The following NFIA variants were observed in gnomAD, a reference collection of about 807,000 sequenced individuals.
NFIA encodes nuclear factor I A, also known as nuclear factor 1 A-type.
NFIA carries 8 observed loss-of-function variants against 62.8 expected under a neutral mutation model. That is an observed-to-expected ratio of 0.13 (90% CI 0.07 to 0.23). NFIA has a LOEUF of 0.23. Ranked by LOEUF, NFIA falls within the 10% of genes least tolerant of loss-of-function variation. The probability of loss-of-function intolerance (pLI) is 1.00; values close to 1 mark genes in which losing one functional copy is unlikely to be tolerated. For missense variants in NFIA, 410 were observed against 642.1 expected (o/e 0.64, Z 3.91); for synonymous variants, 235 against 238.1 (o/e 0.99, Z 0.12).
At chr1:61,311,339 C>T (rs1229810454) in intron 3 of NFIA, among the ~76,000 whole-genome samples, 7 of 151,940 alleles carry the variant, frequency 4.6e-5, no homozygotes, top group East Asian at 3.9e-4. Flanking sequence ...TGCGGTGAGC[C>T]GAGATCGCGA....
chr1:61,386,438 C>A (rs1664691195), intron 7 of NFIA, among the ~76,000 whole-genome samples: 1 of 152,166 alleles, frequency 6.6e-6, no homozygotes, highest in South Asian at 2.1e-4. Flanking sequence ...GGGCAGGGAT[C>A]ACGGAGGCCA....
chr1:61,314,947 A>G (rs1012457854), intron 3 of NFIA, among the ~76,000 whole-genome samples: 1 of 152,144 alleles, frequency 6.6e-6, no homozygotes, highest in Non-Finnish European at 1.5e-5. Context: ...CACTGTTCGT[A>G]TTTGTTTATA....
chr1:61,427,453 G>A (rs965100010), intron 10 of NFIA, among the ~76,000 whole-genome samples: 7 of 152,078 alleles, frequency 4.6e-5, no homozygotes, highest in African/African-American at 9.7e-5. Context: ...TTCTTAGCGC[G>A]GTGTTTGAAA....
intron 2 of NFIA, among the ~76,000 whole-genome samples, chr1:61,209,331 T>C (rs1653095286): frequency 1.3e-5 from 2 of 152,172 alleles, no homozygotes; most frequent in Non-Finnish European, 2.9e-5. Context: ...AATAGCCAGC[T>C]AGGGTTAAAC....
intron 2 of NFIA, among the ~76,000 whole-genome samples, chr1:61,229,849 A>G (rs1654563050): frequency 6.6e-6 from 1 of 152,252 alleles, no homozygotes; most frequent in African/African-American, 2.4e-5. Flanking sequence ...GGAGAATAGT[A>G]TCCTTAACAG....
chr1:61,448,810 G>A (rs1049878425), intron 10 of NFIA, among the ~76,000 whole-genome samples: 1 of 152,144 alleles, frequency 6.6e-6, no homozygotes, highest in African/African-American at 2.4e-5. Context: ...AAAATGGAAA[G>A]GAAGGGAGAC....
chr1:61,295,298 A>G (rs1659131906), intron 3 of NFIA, among the ~76,000 whole-genome samples: 1 of 152,214 alleles, frequency 6.6e-6, no homozygotes, highest in African/African-American at 2.4e-5. Flanking sequence ...AGATTCAGCA[A>G]AGGGAGGCCA....
At chr1:61,422,246 G>A (rs982400898) in intron 9 of NFIA, among the ~76,000 whole-genome samples, 1 of 152,188 alleles carries the variant, frequency 6.6e-6, no homozygotes, top group Non-Finnish European at 1.5e-5. Context: ...CTGGGCGACA[G>A]AGCCAGACTC....
At chr1:61,157,476 T>C (rs1042767571) in intron 2 of NFIA, among the ~76,000 whole-genome samples, 3 of 152,232 alleles carry the variant, frequency 2.0e-5, no homozygotes, top group Non-Finnish European at 2.9e-5. Context: ...TGATATTTTA[T>C]TTATTAAAGC....
At chr1:61,183,694 T>C (rs974555052) in intron 2 of NFIA, among the ~76,000 whole-genome samples, 4 of 152,210 alleles carry the variant, frequency 2.6e-5, no homozygotes, top group Admixed American at 6.5e-5. Context: ...GCTTGAACTT[T>C]AGCCAGAGGC....
chr1:61,290,507 C>G (rs1159692427), intron 3 of NFIA, among the ~76,000 whole-genome samples: 1 of 152,174 alleles, frequency 6.6e-6, no homozygotes, highest in African/African-American at 2.4e-5. Context: ...ATTCACAGAT[C>G]ATGTTAACTC....
At chr1:61,452,598 G>A (rs1668105856) in intron 10 of NFIA, among the ~76,000 whole-genome samples, 1 of 152,168 alleles carries the variant, frequency 6.6e-6, no homozygotes, top group East Asian at 1.9e-4. Flanking sequence ...CAGCCCCTCT[G>A]TTGACATGTT....
chr1:61,426,011 G>A (rs568949203), intron 9 of NFIA, among the ~76,000 whole-genome samples: 1 of 152,296 alleles, frequency 6.6e-6, no homozygotes, highest in South Asian at 2.1e-4. Context: ...TAGCTGTAGA[G>A]GCACAGGACC....
At chr1:61,348,185 CT>C (rs1039818575) in intron 4 of NFIA, among the ~76,000 whole-genome samples, 2 of 152,204 alleles carry the variant, frequency 1.3e-5, no homozygotes, top group African/African-American at 4.8e-5. Context: ...AAGTGTGAAG[CT>C]TTCTCTTTGG....
At chr1:61,216,025 A>C (rs1042055468) in intron 2 of NFIA, among the ~76,000 whole-genome samples, 1 of 152,222 alleles carries the variant, frequency 6.6e-6, no homozygotes. Context: ...GCAAGGACAA[A>C]TATTGATGGC....
chr1:61,447,982 A>G (rs1283394160), intron 10 of NFIA, among the ~76,000 whole-genome samples: 1 of 152,116 alleles, frequency 6.6e-6, no homozygotes, highest in East Asian at 1.9e-4. Context: ...CAGCGTTAAC[A>G]CACCCTAAGC....
At chr1:61,400,330 T>A (rs1288841281) in intron 7 of NFIA, among the ~76,000 whole-genome samples, 58 of 152,202 alleles carry the variant, frequency 3.8e-4, no homozygotes, top group Non-Finnish European at 1.5e-5. Flanking sequence ...AAACAGTTGT[T>A]TTAAACAAGT....
chr1:61,416,922 C>A (rs899033350), intron 9 of NFIA, among the ~76,000 whole-genome samples: 5 of 152,124 alleles, frequency 3.3e-5, no homozygotes, highest in South Asian at 4.2e-4. Context: ...CATTAAAAAT[C>A]TTTTACATTA....
At chr1:61,372,246 A>G (rs1663924209) in intron 6 of NFIA, among the ~76,000 whole-genome samples, 1 of 152,174 alleles carries the variant, frequency 6.6e-6, no homozygotes, top group Admixed American at 6.6e-5. Flanking sequence ...AACAAAGACT[A>G]TGACTGATGG....
Sources: allele counts gnomAD v4.1 joint callset (sites outside exome capture counted in the v4.1 genomes callset), GRCh38; gene constraint gnomAD v4.1.1; transcripts MANE v1.5; gene names NCBI Gene and HGNC (gene_info 2026-07-23, HGNC 2026-07-21).